HUNK: variants seen among roughly 807,000 people sequenced by gnomAD.
HUNK encodes the protein hormonally up-regulated neu tumor-associated kinase.
HUNK carries 21 observed loss-of-function variants against 61.0 expected under a neutral mutation model. The ratio of observed to expected loss-of-function variants is 0.34; its 90% CI spans 0.24 to 0.50. The LOEUF (loss-of-function observed/expected upper bound fraction) is 0.50, where lower values mean the gene tolerates loss of function less well. HUNK is among the 20% of genes least tolerant of loss of function. The pLI, the probability that HUNK is intolerant of heterozygous loss-of-function variation, is 0.98. For synonymous variants in HUNK, 371 were observed against 386.1 expected (o/e 0.96, Z 0.46); for missense variants, 772 against 945.7 (o/e 0.82, Z 2.41).
intron 1 of HUNK, among the ~76,000 whole-genome samples, chr21:31,908,152 A>G (rs1488342806): frequency 6.6e-6 from 1 of 152,128 alleles, no homozygotes; most frequent in Non-Finnish European, 1.5e-5. Context: ...ACCATAGGCA[A>G]TTGGGCTAAA....
intron 7 of HUNK, among the ~76,000 whole-genome samples, chr21:31,979,732 G>A (rs969143139): frequency 1.4e-4 from 21 of 151,352 alleles, no homozygotes; most frequent in Admixed American, 9.2e-4. Context: ...AGCCAGGATG[G>A]TCTCAATCTC....
At position 31,973,558 on chromosome 21, in the gene HUNK, A is replaced by G. The variant is rs1267938660; in HGVS notation, c.1011-997A>G. Among the ~76,000 whole-genome samples the G allele has an allele frequency of 2.0e-5, 3 of 149,818 alleles. No individual in the cohort carries two copies. The East Asian group carries it at 5.9e-4, about 29-fold the overall frequency. ...CCCTGATTTCTCAGTCTCCATAGCC[A>G]TTGGATGATGGTGATGGTGGTGGTG... On this transcript the variant is annotated intron_variant, in intron 6 of 10. Transcript: ENST00000270112.
intron 9 of HUNK, among the ~76,000 whole-genome samples, chr21:31,990,461 C>T (rs551525280): frequency 5.5e-4 from 83 of 151,784 alleles, no homozygotes; most frequent in African/African-American, 1.9e-3. Flanking sequence ...TGGATGAGAC[C>T]CACCCACATT....
intron 2 of HUNK, among the ~76,000 whole-genome samples, chr21:31,936,646 A>AT (rs1270257834): frequency 6.6e-6 from 1 of 151,830 alleles, no homozygotes; most frequent in Non-Finnish European, 1.5e-5. Context: ...AACTGATTTT[A>AT]TTTTTTTCTC....
At position 31,887,659 on chromosome 21, in the gene HUNK, C is replaced by T. The variant is rs537829563; in HGVS notation, c.261+13724C>T. On this transcript the variant is annotated intron_variant, in intron 1 of 10. Coordinates refer to ENST00000270112, the MANE Select transcript of HUNK (RefSeq NM_014586.2). Reference sequence around the variant, plus strand: ...CTCTTTGTCACCGTCGGCTCTTTGCCGGGGCTCTGTGTGTAGCAGCTTGAA... The same window carrying T: ...CTCTTTGTCACCGTCGGCTCTTTGCTGGGGCTCTGTGTGTAGCAGCTTGAA... 2.8e-4 allele frequency among the ~76,000 whole-genome samples: 42 copies of T among 152,302 alleles called. No individual in the cohort carries two copies. In the South Asian group the frequency reaches 7.2e-3, roughly 26 times the overall value.
chr21:31,905,076 T>TA (rs11351717), intron 1 of HUNK, among the ~76,000 whole-genome samples: 1 of 145,182 alleles, frequency 6.9e-6, no homozygotes, highest in Non-Finnish European at 1.5e-5. Context: ...AGACTGTGTC[T>TA]AAAAAAAAAA....
At chr21:31,950,092 ATGT>A (rs2052839117) in intron 4 of HUNK, among the ~76,000 whole-genome samples, 1 of 152,116 alleles carries the variant, frequency 6.6e-6, no homozygotes, top group Admixed American at 6.5e-5. Context: ...TGCATCTGTG[ATGT>A]TGTACTTCCT....
chr21:31,987,889 G>C (rs1338145818), intron 8 of HUNK, among the ~76,000 whole-genome samples: 1 of 152,204 alleles, frequency 6.6e-6, no homozygotes, highest in East Asian at 1.9e-4. Context: ...GATGGGGAGA[G>C]GGAGTGGTGG....
rs543400883 is a variant in HUNK at position 31,948,597 on chromosome 21, G to C, written c.746+2426G>C. Among the ~76,000 whole-genome samples, 7 of 152,266 alleles carry C rather than the reference G, an allele frequency of 4.6e-5. No individual in the cohort carries two copies. The East Asian group carries it at 1.4e-3, about 29-fold the overall frequency. On this transcript the variant is annotated intron_variant, in intron 4 of 10. Coordinates refer to ENST00000270112, the MANE Select transcript of HUNK (RefSeq NM_014586.2). ...GCACCTGGTGGAACTTGGAGGAAGG[G>C]AGGGAGGAGAAAAAGGAGGTGGGAA... is the stretch of plus-strand genomic sequence containing the variant.
chr21:31,913,336 A>G (rs899445928), intron 1 of HUNK, among the ~76,000 whole-genome samples: 1 of 151,834 alleles, frequency 6.6e-6, no homozygotes, highest in Non-Finnish European at 1.5e-5. Context: ...GGAGTGGGAG[A>G]CAGGAGGCAG....
In HUNK at chr21:31,924,833, A is replaced by G; in HGVS notation, c.554+73A>G. The G allele has an allele frequency of 7.7e-7, 1 of 1,290,660 alleles. No individual in the cohort carries two copies. Among genetic ancestry groups the G allele is most frequent in the Non-Finnish European group, 1.1e-6 (1 of 936,304 alleles). The allele number at this position is 1,290,660 out of a possible 1,614,324, so 80.0% of individuals were successfully genotyped here. ...TGGCACTGGGCTGTGGCACCCTCTG[A>G]GCCTCTGAGAAAGGCTGAGCAATTG... On this transcript the variant is annotated intron_variant, in intron 2 of 10. Transcript: ENST00000270112. The surrounding 1 kb of genome is among the most constrained non-coding windows in gnomAD (Gnocchi z 5.1).
intron 2 of HUNK, among the ~76,000 whole-genome samples, chr21:31,937,215 A>G (rs1461162432): frequency 6.6e-6 from 1 of 152,228 alleles, no homozygotes; most frequent in Admixed American, 6.5e-5. Flanking sequence ...TGATAAGGAC[A>G]CAATTTCAAT....
intron 7 of HUNK, 30 bp downstream of exon 7, chr21:31,974,747 T>A: frequency 6.4e-7 from 1 of 1,558,996 alleles, no homozygotes; most frequent in Non-Finnish European, 8.7e-7. Flanking sequence ...CGATCGTCTC[T>A]GCTGTCTGTG....
rs760097878 is a variant in HUNK at position 31,958,870 on chromosome 21, C to T, written c.774C>T (p.Thr258=). 93 of 1,608,028 alleles carry T rather than the reference C, an allele frequency of 5.8e-5. No homozygotes were observed. The highest frequency in any genetic ancestry group is 8.9e-5 in the East Asian group (4 of 44,754). The change falls in exon 5 of 11, where the codon ACC becomes ACT. Residue 258 remains threonine (T), a synonymous_variant. Coordinates refer to ENST00000270112, the MANE Select transcript of HUNK (RefSeq NM_014586.2). ...GTGTGAACATGTATGCCATGTTGAC[C>T]GGGACGCTGCCTTTCACGGTGGAGC... ...SIGVNMYAML[T]GTLPFTVEPF...
chr21:31,938,556 C>T (rs2052747342), intron 2 of HUNK, among the ~76,000 whole-genome samples: 1 of 152,214 alleles, frequency 6.6e-6, no homozygotes, highest in South Asian at 2.1e-4. Flanking sequence ...CTTTTTGTTT[C>T]AGACATTGAC....
chr21:31,944,488 T>A (rs1388100736), intron 3 of HUNK, among the ~76,000 whole-genome samples: 1 of 152,122 alleles, frequency 6.6e-6, no homozygotes. Flanking sequence ...TGATATCTCC[T>A]CCTAAGGTGG....
chr21:31,897,057 C>T (rs1425500297), intron 1 of HUNK, among the ~76,000 whole-genome samples: 1 of 152,114 alleles, frequency 6.6e-6, no homozygotes, highest in African/African-American at 2.4e-5. Context: ...CAAGCCTGGG[C>T]AACATGGGGA....
chr21:31,899,769 T>G (rs940335455), intron 1 of HUNK, among the ~76,000 whole-genome samples: 1 of 151,302 alleles, frequency 6.6e-6, no homozygotes, highest in East Asian at 1.9e-4. Flanking sequence ...AAGTTACACC[T>G]CTGGCTGCTG....
chr21:31,899,757 G>C (rs1488828506), intron 1 of HUNK, among the ~76,000 whole-genome samples: 1 of 151,070 alleles, frequency 6.6e-6, no homozygotes. Context: ...TTCAGCTCCT[G>C]TAAGTTACAC....
Sources: allele counts gnomAD v4.1 joint callset (sites outside exome capture counted in the v4.1 genomes callset), GRCh38; gene constraint gnomAD v4.1.1; non-coding constraint Gnocchi (gnomAD v3.1); transcripts MANE v1.5; gene names NCBI Gene and HGNC (gene_info 2026-07-23, HGNC 2026-07-21).